TMEM14C: variants seen among roughly 807,000 people sequenced by gnomAD.
TMEM14C encodes transmembrane protein 14C, also known as chromosome 6 open reading frame 53.
TMEM14C carries 13 observed loss-of-function variants against 14.8 expected under a neutral mutation model. That is an observed-to-expected ratio of 0.88 (90% confidence interval 0.57 to 1.40). The LOEUF (loss-of-function observed/expected upper bound fraction) is 1.40, where lower values mean the gene tolerates loss of function less well. TMEM14C is among the 40% of genes most tolerant of loss of function. TMEM14C has a pLI of 0.00. For synonymous variants in TMEM14C, 57 were observed against 51.3 expected, an observed-to-expected ratio of 1.11 and a Z score of -0.48; for missense variants, 142 against 138.8, an observed-to-expected ratio of 1.02 and a Z score of -0.12.
intron 5 of TMEM14C, 103 bp downstream of exon 5, chr6:10,728,830 A>G (rs1212106893): frequency 1.0e-5 from 16 of 1,575,578 alleles, no homozygotes; most frequent in Non-Finnish European, 1.3e-5. Context: ...ATCTGATGCT[A>G]TGTATCAACT....
intron 3 of TMEM14C, 22 bp downstream of exon 3, chr6:10,725,059 G>A (rs536921952): frequency 6.2e-7 from 1 of 1,613,444 alleles, no homozygotes; most frequent in East Asian, 2.2e-5. Flanking sequence ...TTGTTACTTA[G>A]CCTCTTAACA....
At chr6:10,726,329 A>G (rs1770858496) in intron 4 of TMEM14C, among the ~76,000 whole-genome samples, 1 of 152,186 alleles carries the variant, frequency 6.6e-6, no homozygotes, top group South Asian at 2.1e-4. Context: ...CAGCATCACT[A>G]AACTATCACA....
Position 10,731,084 on chromosome 6 carries a change from A to G in TMEM14C, c.*418A>G. 1 of 985,796 alleles carries G rather than the reference A, an allele frequency of 1.0e-6. No individual in the cohort carries two copies. The highest frequency in any genetic ancestry group is 1.2e-6 in the Non-Finnish European group (1 of 830,038). The allele number at this position is 985,796 out of a possible 1,614,324, so 61.1% of individuals were successfully genotyped here. A position where few individuals can be genotyped will look rare whatever the true frequency, so the allele number is the denominator to read the frequency against. ...TAGACCACAGACTGACTTTGAAATT[A>G]TGTTAAGTGAAATATCAATGAAAAT... On this transcript the variant is annotated 3_prime_UTR_variant, in exon 6 of 6. Coordinates refer to ENST00000229563, the MANE Select transcript of TMEM14C (RefSeq NM_016462.4).
rs1471196407 is a variant in TMEM14C at position 10,728,632 on chromosome 6, T to C, written c.200-8T>C. 1 of 1,613,664 alleles carries C rather than the reference T, an allele frequency of 6.2e-7. No homozygotes were observed. The highest frequency in any genetic ancestry group is 2.2e-5 in the East Asian group (1 of 44,894). ...AGTTTTAACACTTCTTTATATGTTTTTCATCAGCTACATCTGGTACCTTGG... is the reference window on the plus strand; with the variant it reads ...AGTTTTAACACTTCTTTATATGTTTCTCATCAGCTACATCTGGTACCTTGG... On this transcript the variant is annotated splice_region_variant and splice_polypyrimidine_tract_variant and intron_variant, in intron 4 of 5. Transcript: ENST00000229563.
Position 10,730,772 on chromosome 6 carries a change from T to C in TMEM14C, c.*106T>C. The C allele has an allele frequency of 7.1e-7, 1 of 1,412,600 alleles. No homozygotes were observed. Among genetic ancestry groups the C allele is most frequent in the Non-Finnish European group, 9.3e-7 (1 of 1,074,088 alleles). The allele number at this position is 1,412,600 out of a possible 1,614,324, so 87.5% of individuals were successfully genotyped here. A position where few individuals can be genotyped will look rare whatever the true frequency, so the allele number is the denominator to read the frequency against. The stretch of plus-strand genomic sequence containing the variant: ...AGTGCAGCATTTTTGCATCTGACAT[T>C]TTACCTAAAAAAAAAGACACCAAAC... On this transcript the variant is annotated 3_prime_UTR_variant, in exon 6 of 6. Transcript: ENST00000229563.
intron 5 of TMEM14C, among the ~76,000 whole-genome samples, chr6:10,729,620 T>C (rs1369168094): frequency 6.6e-6 from 1 of 151,314 alleles, no homozygotes; most frequent in Non-Finnish European, 1.5e-5. Context: ...CTATGAAAAA[T>C]ACAAAAATTA....
At chr6:10,727,724 G>A (rs1029739396) in intron 4 of TMEM14C, among the ~76,000 whole-genome samples, 1 of 151,980 alleles carries the variant, frequency 6.6e-6, no homozygotes, top group African/African-American at 2.4e-5. Flanking sequence ...AGGAGGCTGA[G>A]ACTTGAGAAT....
intron 4 of TMEM14C, 36 bp downstream of exon 4, chr6:10,726,044 G>A (rs952821712): frequency 1.2e-6 from 2 of 1,611,952 alleles, no homozygotes; most frequent in Admixed American, 1.7e-5. Flanking sequence ...GGGCAGCTAT[G>A]TATCCAGAAT....
Position 10,729,989 on chromosome 6 carries a change from T to C in TMEM14C, c.288-626T>C, listed in dbSNP as rs116695720. ...GGTGCACACCTGTAATCACAGCTAC[T>C]TGGGACACTGAGTCAGGAAAATCTC... On this transcript the variant is annotated intron_variant, in intron 5 of 5. Transcript: ENST00000229563. 9.3e-3 allele frequency among the ~76,000 whole-genome samples: 1,414 copies of C among 152,082 alleles called. 28 individuals carry two copies. The highest frequency in any genetic ancestry group is 0.031 in the African/African-American group (1,284 of 41,472).
intron 1 of TMEM14C, among the ~76,000 whole-genome samples, chr6:10,724,206 C>T (rs543966984): frequency 1.3e-5 from 2 of 152,256 alleles, no homozygotes; most frequent in East Asian, 1.9e-4. Context: ...ATTAAGGGCA[C>T]GGGAGTATTT....
At chr6:10,727,357 T>C (rs551613675) in intron 4 of TMEM14C, among the ~76,000 whole-genome samples, 1 of 152,234 alleles carries the variant, frequency 6.6e-6, no homozygotes, top group East Asian at 1.9e-4. Flanking sequence ...TTCCCTTTTT[T>C]TGAGATGGAG....
At chr6:10,727,030 T>C (rs550767748) in intron 4 of TMEM14C, among the ~76,000 whole-genome samples, 2 of 152,294 alleles carry the variant, frequency 1.3e-5, no homozygotes, top group Admixed American at 1.3e-4. Flanking sequence ...CCCTCCCTCA[T>C]GCTCCAGAAT....
Position 10,730,667 on chromosome 6 carries a change from C to T in TMEM14C, c.*1C>T. The T allele has an allele frequency of 1.2e-6, 2 of 1,608,828 alleles. No individual in the cohort carries two copies. Among genetic ancestry groups the T allele is most frequent in the Non-Finnish European group, 1.7e-6 (2 of 1,176,522 alleles). Reference sequence around the variant, plus strand: ...TAGTATGTTCAACAGACCCCATTAGCAGAAGTCATGTTCCAGCTTAGACTG... The same window carrying T: ...TAGTATGTTCAACAGACCCCATTAGTAGAAGTCATGTTCCAGCTTAGACTG... On this transcript the variant is annotated 3_prime_UTR_variant, in exon 6 of 6. Coordinates refer to ENST00000229563, the MANE Select transcript of TMEM14C (RefSeq NM_016462.4).
chr6:10,730,471 G>T, intron 5 of TMEM14C, 144 bp from the exon 6 acceptor site: 1 of 660,040 alleles, frequency 1.5e-6, no homozygotes, highest in Non-Finnish European at 2.4e-6. Flanking sequence ...GTTCCTCCAG[G>T]GATGGAAATT....
intron 1 of TMEM14C, among the ~76,000 whole-genome samples, chr6:10,723,726 A>G (rs1240908045): frequency 1.3e-5 from 2 of 150,694 alleles, no homozygotes; most frequent in Non-Finnish European, 2.9e-5. Flanking sequence ...CAGCCTCCCA[A>G]GTAGCTGGGA....
At chr6:10,724,041 G>C (rs969237148) in intron 1 of TMEM14C, among the ~76,000 whole-genome samples, 1 of 152,096 alleles carries the variant, frequency 6.6e-6, no homozygotes, top group East Asian at 1.9e-4. Flanking sequence ...CACTGTTTCC[G>C]TATATTTTAT....
rs75418750 is a variant in TMEM14C, at chr6:10,725,020, T to C, written c.80T>C (p.Ile27Thr). ...YAALVASGGIIGYVKAGSVPS... is the reference protein window; with the variant it reads ...YAALVASGGITGYVKAGSVPS... ...GCACTGGTTGCTTCTGGTGGGATCA[T>C]TGGCTATGTAAAAGCAGGTAGGGTT... The change falls in exon 3 of 6, where the codon ATT becomes ACT. Residue 27 changes from isoleucine (I) to threonine (T), a missense_variant. Physicochemically the swap from Ile to Thr is moderately conservative, Grantham distance 89. Transcript: ENST00000229563. The C allele has an allele frequency of 1.2e-5, 19 of 1,614,126 alleles. No homozygotes were observed. The highest frequency in any genetic ancestry group is 4.5e-5 in the East Asian group (2 of 44,904).
At chr6:10,724,541 C>T in intron 1 of TMEM14C, 29 bp from the exon 2 acceptor site, 2 of 1,522,202 alleles carry the variant, frequency 1.3e-6, no homozygotes, top group Non-Finnish European at 1.8e-6. Context: ...GTGCTTTTAA[C>T]TACCTCTGAT....
Position 10,723,133 on chromosome 6 carries a change from G to GT in TMEM14C, c.-153_-152insT, listed in dbSNP as rs1770731115. 1 of 152,290 alleles carries GT rather than the reference G, an allele frequency of 6.6e-6. No individual in the cohort carries two copies. 9.4% of individuals were successfully genotyped at this position (152,290 alleles called of 1,614,324 possible). A position where few individuals can be genotyped will look rare whatever the true frequency, so the allele number is the denominator to read the frequency against. ...ACAACAGAGCCGCTCCCCTCTCCTCGCCCCGCCACCGGGACGGAGAGCGCC... is the reference window on the plus strand; with the variant it reads ...ACAACAGAGCCGCTCCCCTCTCCTCGTCCCCGCCACCGGGACGGAGAGCGCC... On this transcript the variant is annotated 5_prime_UTR_variant, in exon 1 of 6. Transcript: ENST00000229563.
Sources: gnomAD v4.1 joint callset for allele counts (sites outside exome capture counted in the v4.1 genomes callset) on GRCh38, gnomAD v4.1.1 for gene constraint, MANE v1.5 for transcripts, NCBI Gene and HGNC (gene_info 2026-07-23, HGNC 2026-07-21) for gene names.